The following SQOR variants were observed in gnomAD, a reference collection of about 807,000 sequenced individuals.
SQOR encodes the protein sulfide quinone oxidoreductase.
SQOR carries 39 observed loss-of-function variants against 48.6 expected under a neutral mutation model. The observed-to-expected ratio is 0.80, with a 90% CI of 0.62 to 1.05. SQOR has a LOEUF of 1.05. SQOR is among the 50% of genes least tolerant of loss of function. SQOR has a pLI of 0.00. For synonymous variants in SQOR, 220 were observed against 206.2 expected (o/e 1.07, Z -0.57); for missense variants, 561 against 559.9 (o/e 1.00, Z -0.02).
At chr15:45,657,126 A>T (rs1401743421) in intron 1 of SQOR, among the ~76,000 whole-genome samples, 5 of 152,166 alleles carry the variant, frequency 3.3e-5, no homozygotes, top group African/African-American at 1.2e-4. Flanking sequence ...GTTTATGAAC[A>T]TAATTTTAAA....
Position 45,682,640 on chromosome 15 carries a change from T to C in SQOR, c.1027T>C (p.Ser343Pro). 6.2e-7 allele frequency: 1 copy of C among 1,614,030 alleles called. No homozygotes were observed. The highest frequency in any genetic ancestry group is 8.5e-7 in the Non-Finnish European group (1 of 1,179,944). The change falls in exon 7 of 10, where the codon TCA becomes CCA. Residue 343 changes from serine (S) to proline (P), a missense_variant. Ser to Pro is a moderately conservative substitution (Grantham distance 74). Coordinates refer to ENST00000260324, the MANE Select transcript of SQOR (RefSeq NM_021199.4). ...GIGDCTNLPT[S>P]KTAAAVAAQS... is the part of the protein sequence containing the mutation. ...TGGGGACTGCACCAACCTTCCTACGTCAAAGACCGCTGCTGCAGTAGGTAA... is the reference window on the plus strand; with the variant it reads ...TGGGGACTGCACCAACCTTCCTACGCCAAAGACCGCTGCTGCAGTAGGTAA...
intron 3 of SQOR, among the ~76,000 whole-genome samples, chr15:45,666,779 C>T (rs1301363423): frequency 2.8e-5 from 2 of 71,638 alleles, no homozygotes; most frequent in African/African-American, 5.6e-5. Flanking sequence ...TCTCTTCCCT[C>T]CCCTCCCCTT....
chr15:45,663,183 A>G (rs954695108), intron 3 of SQOR, among the ~76,000 whole-genome samples: 1 of 152,054 alleles, frequency 6.6e-6, no homozygotes, highest in Non-Finnish European at 1.5e-5. Context: ...ATGCCTGGAT[A>G]ATTTTTGTAT....
intron 8 of SQOR, 21 bp downstream of exon 8, chr15:45,688,425 T>A: frequency 6.5e-7 from 1 of 1,537,358 alleles, no homozygotes. Flanking sequence ...CTTGTAAGAA[T>A]CACTGTCTCA....
intron 7 of SQOR, among the ~76,000 whole-genome samples, chr15:45,684,613 T>TCTC (rs202169669): frequency 6.7e-6 from 1 of 149,864 alleles, no homozygotes; most frequent in Non-Finnish European, 1.5e-5. Flanking sequence ...TCTCTCTCTC[T>TCTC]TTTTTTTTCA....
At chr15:45,674,043 A>G (rs1392117045) in intron 5 of SQOR, 2 of 513,732 alleles carry the variant, frequency 3.9e-6, no homozygotes, top group African/African-American at 3.8e-5. Flanking sequence ...TTTTTTCTGT[A>G]TACTTAAATA....
intron 2 of SQOR, 118 bp from the exon 3 acceptor site, chr15:45,661,837 A>G: frequency 1.8e-6 from 2 of 1,087,692 alleles, no homozygotes; most frequent in Non-Finnish European, 2.6e-6. Flanking sequence ...AGACTTTTCC[A>G]TACGATGCTC....
intron 5 of SQOR, 79 bp downstream of exon 5, chr15:45,673,880 C>A (rs777609412): frequency 1.5e-6 from 2 of 1,373,596 alleles, no homozygotes; most frequent in Non-Finnish European, 2.0e-6. Context: ...CATTTTATCT[C>A]TATTGTAATC....
chr15:45,639,248 C>T (rs1023851801), intron 1 of SQOR, among the ~76,000 whole-genome samples: 2 of 152,218 alleles, frequency 1.3e-5, no homozygotes, highest in African/African-American at 4.8e-5. Context: ...AAGCCATATT[C>T]AGCTTCATGA....
rs1177969882 is a variant in SQOR at position 45,676,386 on chromosome 15, C to A, written c.864+76C>A. Reference sequence around the variant, plus strand: ...GCCATAGATACATGGGGGCTCACACCACCCTATCTGCCATCATTGTGTGCT... The same window carrying A: ...GCCATAGATACATGGGGGCTCACACAACCCTATCTGCCATCATTGTGTGCT... On this transcript the variant is annotated intron_variant, in intron 6 of 9. Transcript: ENST00000260324. The A allele has an allele frequency of 5.9e-6, 8 of 1,360,404 alleles. No individual in the cohort carries two copies. The East Asian group carries it at 1.6e-4, about 27-fold the overall frequency. The allele number at this position is 1,360,404 out of a possible 1,614,324, so 84.3% of individuals were successfully genotyped here.
At chr15:45,663,918 T>G (rs1889766062) in intron 3 of SQOR, among the ~76,000 whole-genome samples, 1 of 152,204 alleles carries the variant, frequency 6.6e-6, no homozygotes, top group Non-Finnish European at 1.5e-5. Flanking sequence ...TAAGGATATG[T>G]GTAGTGAACA....
rs113443844 is a variant in SQOR at position 45,650,998 on chromosome 15, C to T, written c.-17-7909C>T. 7.2e-4 allele frequency among the ~76,000 whole-genome samples: 110 copies of T among 152,340 alleles called. 1 individual carries two copies. Among genetic ancestry groups the T allele is most frequent in the African/African-American group, 2.5e-3 (102 of 41,590 alleles). On this transcript the variant is annotated intron_variant, in intron 1 of 9. Coordinates refer to ENST00000260324, the MANE Select transcript of SQOR (RefSeq NM_021199.4). ...CCGAGGCGGAGCTGCCCCCGGGTCC[C>T]GCACCGCGCACCTGCACTCCTCAGC...
At chr15:45,653,832 C>A (rs1346184428) in intron 1 of SQOR, among the ~76,000 whole-genome samples, 1 of 152,114 alleles carries the variant, frequency 6.6e-6, no homozygotes, top group Admixed American at 6.5e-5. Context: ...TTATATTACA[C>A]CATGGTTTAA....
intron 6 of SQOR, among the ~76,000 whole-genome samples, chr15:45,676,683 A>T (rs892092244): frequency 6.6e-6 from 1 of 152,158 alleles, no homozygotes; most frequent in Non-Finnish European, 1.5e-5. Context: ...TGATTGTCTC[A>T]ATTGGTGGCA....
chr15:45,639,592 T>C (rs999259041), intron 1 of SQOR, among the ~76,000 whole-genome samples: 3 of 152,230 alleles, frequency 2.0e-5, no homozygotes, highest in Non-Finnish European at 2.9e-5. Flanking sequence ...GAAGTGGGGA[T>C]TGTGGTGATT....
Position 45,691,027 on chromosome 15 carries a change from T to C in SQOR, c.1350T>C (p.Ser450=). Residue 450 remains serine, a synonymous_variant, in exon 10 of 10, where the codon AGT becomes AGC. Coordinates refer to ENST00000260324, the MANE Select transcript of SQOR (RefSeq NM_021199.4). ...FLRKLFHLGM[S] is the part of the protein sequence containing the mutation. ...GCAAGTTGTTTCATCTAGGTATGAG[T>C]TAAGGATGGCTCAGCACTTGCTCAT... 1 of 1,614,000 alleles carries C rather than the reference T, an allele frequency of 6.2e-7. No individual in the cohort carries two copies. Among genetic ancestry groups the C allele is most frequent in the Non-Finnish European group, 8.5e-7 (1 of 1,179,902 alleles).
intron 1 of SQOR, among the ~76,000 whole-genome samples, chr15:45,652,061 A>G (rs988156297): frequency 2.0e-5 from 3 of 151,330 alleles, no homozygotes; most frequent in African/African-American, 7.3e-5. Context: ...TTTAGTAGAC[A>G]GGGGGTTTTG....
chr15:45,638,287 A>G (rs936857027), intron 1 of SQOR, among the ~76,000 whole-genome samples: 1 of 152,192 alleles, frequency 6.6e-6, no homozygotes, highest in Non-Finnish European at 1.5e-5. Context: ...TTAGAATGTG[A>G]CTGTATTAGG....
rs199996931 is a variant in SQOR at position 45,662,016 on chromosome 15, C to T, written c.296C>T (p.Ser99Phe). 1.9e-6 allele frequency: 3 copies of T among 1,614,246 alleles called. No individual in the cohort carries two copies. The highest frequency in any genetic ancestry group is 1.1e-5 in the South Asian group (1 of 91,084). Reference protein sequence around the residue: ...VGAGAKQLSSSGRPTASVIPS... With the variant: ...VGAGAKQLSSFGRPTASVIPS... ...GCTGGTGCCAAACAATTGTCCTCAT[C>T]TGGTCGTCCCACGGCAAGTGTGATT... is the stretch of plus-strand genomic sequence containing the variant. The change falls in exon 3 of 10, where the codon TCT (serine) becomes TTT (phenylalanine). Residue 99 changes from serine (S) to phenylalanine (F), a missense_variant. Coordinates refer to ENST00000260324, the MANE Select transcript of SQOR (RefSeq NM_021199.4).
Sources: gnomAD v4.1 joint callset for allele counts (sites outside exome capture counted in the v4.1 genomes callset) on GRCh38, gnomAD v4.1.1 for gene constraint, MANE v1.5 for transcripts, NCBI Gene and HGNC (gene_info 2026-07-23, HGNC 2026-07-21) for gene names.